Variants in C12orf42 observed in about 807,000 individuals in gnomAD.
C12orf42 encodes the protein uncharacterized protein C12orf42.
A neutral mutation model predicts 21.6 loss-of-function variants in C12orf42; 25 were observed. That is an observed-to-expected ratio of 1.16 (90% CI 0.84 to 1.62). The LOEUF (loss-of-function observed/expected upper bound fraction) is 1.62. C12orf42 is among the 40% of genes most tolerant of loss of function. The pLI is 0.00. For synonymous variants in C12orf42, 174 were observed against 175.0 expected (o/e 0.99, Z 0.05); for missense variants, 483 against 459.3 (o/e 1.05, Z -0.47).
At chr12:103,207,280 C>T in the C12orf42 span, among the ~76,000 whole-genome samples, 11 of 152,268 alleles carry the variant, frequency 7.2e-5, 1 homozygote, top group South Asian at 2.3e-3. Context: ...TTCTTTGTTA[C>T]CAAGACGTAA....
intron 10 of C12orf42, among the ~76,000 whole-genome samples, chr12:103,246,037 T>A (rs1316468291): frequency 6.6e-6 from 1 of 152,076 alleles, no homozygotes; most frequent in African/African-American, 2.4e-5. Flanking sequence ...ATGGGCAAAG[T>A]TCATTTAATT....
chr12:103,294,389 A>AAAAGAAAG (rs10579611), intron 4 of C12orf42, among the ~76,000 whole-genome samples: 15,933 of 117,648 alleles, frequency 0.14, 1,606 homozygotes, highest in South Asian at 0.2. Flanking sequence ...AGAAAGAAGA[A>AAAAGAAAG]AAAGAAAGAA....
chr12:103,198,770 T>A, the C12orf42 span, among the ~76,000 whole-genome samples: 1 of 152,254 alleles, frequency 6.6e-6, no homozygotes, highest in East Asian at 1.9e-4. Flanking sequence ...TGTTTAGCAA[T>A]CCCATGCAGG....
downstream of C12orf42, among the ~76,000 whole-genome samples, chr12:103,235,073 C>A: frequency 6.6e-6 from 1 of 152,236 alleles, no homozygotes. Context: ...TCTGCCTGAA[C>A]GTCATAAGTG....
At position 103,306,289 on chromosome 12, in the gene C12orf42, G is replaced by T; in HGVS notation, c.316C>A (p.Gln106Lys). The change falls in exon 5 of 6, where the codon CAG becomes AAG. Residue 106 changes from glutamine to lysine, a missense_variant. By Grantham distance (53) the Gln-to-Lys change is moderately conservative. Coordinates refer to ENST00000548883, the MANE Select transcript of C12orf42 (RefSeq NM_198521.5). Reference sequence around the variant, plus strand: ...ACAGAACACCTGGGGACTATGTACTGGCAAGTATGAAGTAGTCTTTTACAC... The same window carrying T: ...ACAGAACACCTGGGGACTATGTACTTGCAAGTATGAAGTAGTCTTTTACAC... ...MACKRLLHTC[Q>K]YIVPRCSVST... The T allele has an allele frequency of 6.2e-7, 1 of 1,613,462 alleles. No individual in the cohort carries two copies. The highest frequency in any genetic ancestry group is 1.1e-5 in the South Asian group (1 of 90,978).
At chr12:103,184,217 T>C in the C12orf42 span, among the ~76,000 whole-genome samples, 1 of 152,210 alleles carries the variant, frequency 6.6e-6, no homozygotes, top group South Asian at 2.1e-4. Context: ...TTGCTTCACA[T>C]CTTTTGAGGT....
chr12:103,270,368 G>A (rs1014085149), intron 5 of C12orf42: 3 of 145,896 alleles, frequency 2.1e-5, no homozygotes, highest in Admixed American at 1.4e-4. Context: ...AAGGAAGAAA[G>A]GAAGGAAGGA....
chr12:103,235,026 T>G (rs2033426759), downstream of C12orf42, among the ~76,000 whole-genome samples: 1 of 152,198 alleles, frequency 6.6e-6, no homozygotes, highest in Admixed American at 6.5e-5. Flanking sequence ...TTCATGGCAA[T>G]AATTTCATTA....
At chr12:103,494,701 C>T (rs1039576581) in intron 1 of C12orf42, among the ~76,000 whole-genome samples, 22 of 152,130 alleles carry the variant, frequency 1.4e-4, no homozygotes, top group East Asian at 1.3e-3. Flanking sequence ...TAAGTAGGCC[C>T]GGCAATGAAT....
At chr12:103,228,830 C>T in the C12orf42 span, among the ~76,000 whole-genome samples, 1 of 151,466 alleles carries the variant, frequency 6.6e-6, no homozygotes, top group Non-Finnish European at 1.5e-5. Context: ...ATAATGATCT[C>T]ACCCTGTGTA....
chr12:103,420,547 G>A (rs2049794601), intron 2 of C12orf42, among the ~76,000 whole-genome samples: 1 of 151,876 alleles, frequency 6.6e-6, no homozygotes, highest in Non-Finnish European at 1.5e-5. Flanking sequence ...AACTTTGCAT[G>A]TTTCATGTTT....
chr12:103,422,189 T>C (rs1397018992), intron 2 of C12orf42, among the ~76,000 whole-genome samples: 1 of 152,214 alleles, frequency 6.6e-6, no homozygotes, highest in Non-Finnish European at 1.5e-5. Context: ...ATTTGAGTCC[T>C]GTAAAGGTCA....
rs1277270113 is a variant in C12orf42, at chr12:103,369,002, T to C, written c.148-4A>G. 1 of 1,534,112 alleles carries C rather than the reference T, an allele frequency of 6.5e-7. No homozygotes were observed. ...TTCTTTCATAACAAGGGATGTGCTG[T>C]AAGATAGAGGAGAAAAATACACACA... On this transcript the variant is annotated splice_region_variant and splice_polypyrimidine_tract_variant and intron_variant, in intron 3 of 5. Transcript: ENST00000548883.
intron 4 of C12orf42, among the ~76,000 whole-genome samples, chr12:103,294,583 G>GGAAGGAAGGAAGGAAGGAAAGAAA (rs1300203895): frequency 5.0e-5 from 4 of 80,352 alleles, no homozygotes; most frequent in South Asian, 5.5e-4. Context: ...AAGGAAGGAA[G>GGAAGGAAGGAAGGAAGGAAAGAAA]GAAAGAAAGA....
chr12:103,556,649 G>T, the C12orf42 span, among the ~76,000 whole-genome samples: 1 of 152,170 alleles, frequency 6.6e-6, no homozygotes, highest in South Asian at 2.1e-4. Context: ...TCTTGTCAGA[G>T]GGTTCAAACT....
At chr12:103,087,627 G>C in the C12orf42 span, among the ~76,000 whole-genome samples, 1 of 152,166 alleles carries the variant, frequency 6.6e-6, no homozygotes, top group Non-Finnish European at 1.5e-5. Context: ...ATATGGGCCA[G>C]GTGGCATTGT....
At chr12:103,315,291 T>A (rs1037556609) in intron 4 of C12orf42, among the ~76,000 whole-genome samples, 7 of 151,992 alleles carry the variant, frequency 4.6e-5, no homozygotes, top group African/African-American at 1.7e-4. Context: ...AAATAAAGAA[T>A]TTAAAATAAA....
the C12orf42 span, among the ~76,000 whole-genome samples, chr12:103,118,668 G>T: frequency 6.0e-5 from 9 of 150,916 alleles, no homozygotes; most frequent in Admixed American, 5.3e-4. Context: ...CGTGGTGGTG[G>T]GCGCCTGTAG....
At chr12:103,532,367 T>C in the C12orf42 span, among the ~76,000 whole-genome samples, 2 of 152,240 alleles carry the variant, frequency 1.3e-5, no homozygotes, top group Non-Finnish European at 2.9e-5. Context: ...TATGGTATGA[T>C]CTCAATGTGT....
Sources: gnomAD v4.1 joint callset for allele counts (sites outside exome capture counted in the v4.1 genomes callset) on GRCh38, gnomAD v4.1.1 for gene constraint, MANE v1.5 for transcripts, NCBI Gene and HGNC (gene_info 2026-07-23, HGNC 2026-07-21) for gene names.